The following SLC7A10 variants were observed in gnomAD, a reference collection of about 807,000 sequenced individuals.
SLC7A10 encodes asc-type amino acid transporter 1.
Under a neutral mutation model 52.7 loss-of-function variants are expected in SLC7A10, and 30 were observed. That is an observed-to-expected ratio of 0.57 (90% CI 0.43 to 0.77). The LOEUF (loss-of-function observed/expected upper bound fraction) is 0.77, where lower values mean the gene tolerates loss of function less well. SLC7A10 is among the 30% of genes least tolerant of loss of function. The pLI is 0.00. For missense variants in SLC7A10, 581 were observed against 698.5 expected, an observed-to-expected ratio of 0.83 and a Z score of 1.90; for synonymous variants, 318 against 314.9, an observed-to-expected ratio of 1.01 and a Z score of -0.10.
chr19:33,224,480 G>A (rs1180970113), intron 1 of SLC7A10, among the ~76,000 whole-genome samples: 3 of 152,148 alleles, frequency 2.0e-5, no homozygotes, highest in Admixed American at 6.5e-5. Context: ...GGGAGAGGAC[G>A]AGGTGAAGAC....
rs1417479380 is a variant in SLC7A10 at position 33,210,467 on chromosome 19, C to T, written c.1263G>A (p.Lys421=). 2 of 1,589,528 alleles carry T rather than the reference C, an allele frequency of 1.3e-6. No homozygotes were observed. The highest frequency in any genetic ancestry group is 2.7e-5 in the African/African-American group (2 of 74,670). ...WRRPALHRPI[K]VNLLIPVAYL... is the part of the protein sequence containing the mutation. ...AGGGCCAGCTGTCCCAGGGCCTCAC[C>T]TTGATGGGCCTGTGGAGTGCAGGCC... Residue 421 remains lysine (K), a splice_region_variant and synonymous_variant, in exon 9 of 11, where the codon AAG becomes AAA. Coordinates refer to ENST00000253188, the MANE Select transcript of SLC7A10 (RefSeq NM_019849.3). This position sits in a 1 kb window ranked among gnomAD's most constrained non-coding sequence, Gnocchi z 5.6.
rs1158499382 is a variant in SLC7A10 at position 33,215,876 on chromosome 19, C to T, written c.249G>A (p.Gly83=). The change falls in exon 2 of 11, where the codon GGG becomes GGA. Residue 83 remains glycine, a synonymous_variant. Coordinates refer to ENST00000253188, the MANE Select transcript of SLC7A10 (RefSeq NM_019849.3). ...AGAGGGAGCCCAGAGCCGTCACGCC[C>T]CCACCCAGGACCCAGACGAACAGGG... ...GLALFVWVLG[G]GVTALGSLCY... is the part of the protein sequence containing the mutation. 6 of 1,609,554 alleles carry T rather than the reference C, an allele frequency of 3.7e-6. No individual in the cohort carries two copies. Among genetic ancestry groups the T allele is most frequent in the African/African-American group, 1.3e-5 (1 of 74,952 alleles).
chr19:33,212,943 G>A lies in SLC7A10; in HGVS notation c.416C>T (p.Ser139Phe). The stretch of plus-strand genomic sequence containing the variant: ...CAGCACGTAGTTGGAGAAGGTCATG[G>A]AGATGACAGCAAGGCTGGTGGGGTA... ...IMYPTSLAVI[S>F]MTFSNYVLQP... The change falls in exon 3 of 11, where the codon TCC (serine) becomes TTC (phenylalanine). Residue 139 changes from serine to phenylalanine, a missense_variant. Ser to Phe is a radical substitution (Grantham distance 155, BLOSUM62 -2). Transcript: ENST00000253188. The A allele has an allele frequency of 6.2e-7, 1 of 1,614,186 alleles. No homozygotes were observed. The highest frequency in any genetic ancestry group is 8.5e-7 in the Non-Finnish European group (1 of 1,180,018).
intron 1 of SLC7A10, chr19:33,220,403 C>T (rs1199795487): frequency 1.3e-5 from 2 of 152,148 alleles, no homozygotes; most frequent in Admixed American, 1.3e-4. Flanking sequence ...GAGCCCTAGG[C>T]CACGTTATTG....
intron 1 of SLC7A10, among the ~76,000 whole-genome samples, chr19:33,217,450 G>C (rs982816613): frequency 6.6e-6 from 1 of 152,150 alleles, no homozygotes; most frequent in African/African-American, 2.4e-5. Flanking sequence ...GGGTTATATG[G>C]GTCTCACCAT....
chr19:33,217,091 G>A (rs1393813542), intron 1 of SLC7A10, among the ~76,000 whole-genome samples: 1 of 151,382 alleles, frequency 6.6e-6, no homozygotes, highest in African/African-American at 2.4e-5. Context: ...TGCCTAGGCT[G>A]GTCTCCAACT....
intron 1 of SLC7A10, among the ~76,000 whole-genome samples, chr19:33,219,399 G>A (rs1037197453): frequency 4.6e-5 from 7 of 152,368 alleles, no homozygotes; most frequent in Middle Eastern, 6.8e-3. Flanking sequence ...GAGGTCACAG[G>A]GGCGGCCCAC....
chr19:33,214,247 C>G (rs1974621165), intron 2 of SLC7A10, among the ~76,000 whole-genome samples: 2 of 152,170 alleles, frequency 1.3e-5, no homozygotes, highest in Non-Finnish European at 2.9e-5. Context: ...CAAGCCCTGG[C>G]ACGTCTCCCC....
chr19:33,222,435 TAAA>T (rs1568396355), intron 1 of SLC7A10, among the ~76,000 whole-genome samples: 18 of 126,538 alleles, frequency 1.4e-4, no homozygotes, highest in African/African-American at 5.4e-4. Context: ...TAAAATAAAA[TAAA>T]ATAAAATAAA....
chr19:33,209,159 T>C, intron 10 of SLC7A10, 138 bp from the exon 11 acceptor site: 4 of 1,530,934 alleles, frequency 2.6e-6, no homozygotes, highest in Non-Finnish European at 3.6e-6. Flanking sequence ...TTTGGGTACA[T>C]CTTGGGAAGA....
intron 2 of SLC7A10, 143 bp downstream of exon 2, chr19:33,215,624 CCA>C: frequency 1.8e-6 from 1 of 559,624 alleles, no homozygotes; most frequent in Admixed American, 3.5e-5. Flanking sequence ...CACCTTCTCT[CCA>C]TCCACCCCCC....
rs1470653365 is a variant in SLC7A10 at position 33,210,014 on chromosome 19, C to T, written c.1263+453G>A. On this transcript the variant is annotated intron_variant, in intron 9 of 10. Coordinates refer to ENST00000253188, the MANE Select transcript of SLC7A10 (RefSeq NM_019849.3). This position sits in a 1 kb window ranked among gnomAD's most constrained non-coding sequence, Gnocchi z 5.6. ...GGAGTACGGTGGCCCTAGCACCGCT[C>T]ACTGCAGCCTCAACCTCCCGGGCTC... 6.6e-6 allele frequency among the ~76,000 whole-genome samples: 1 copy of T among 151,406 alleles called. No individual in the cohort carries two copies. The highest frequency in any genetic ancestry group is 1.5e-5 in the Non-Finnish European group (1 of 67,918).
rs778149301 is a variant in SLC7A10 at position 33,212,641 on chromosome 19, T to A, written c.509-2A>T. 1.2e-5 allele frequency: 19 copies of A among 1,613,524 alleles called. No homozygotes were observed. The highest frequency in any genetic ancestry group is 1.4e-5 in the Non-Finnish European group (17 of 1,180,032). ...AGCTGTTCACCCATGTCAGGAGCACTGCGGAGGGAAGGCGGGGGTGGGCGC... is the reference window on the plus strand; with the variant it reads ...AGCTGTTCACCCATGTCAGGAGCACAGCGGAGGGAAGGCGGGGGTGGGCGC... On this transcript the variant is annotated splice_acceptor_variant, in intron 3 of 10. Coordinates refer to ENST00000253188, the MANE Select transcript of SLC7A10 (RefSeq NM_019849.3). LOFTEE classifies it high-confidence loss of function.
intron 1 of SLC7A10, 67 bp from the exon 2 acceptor site, chr19:33,216,040 G>A (rs1019577872): frequency 1.9e-5 from 27 of 1,385,308 alleles, no homozygotes; most frequent in African/African-American, 2.9e-5. Flanking sequence ...TTCTGTGTGG[G>A]GATCTGCCTG....
At chr19:33,209,247 G>T in intron 10 of SLC7A10, 61 bp downstream of exon 10, 1 of 1,604,944 alleles carries the variant, frequency 6.2e-7, no homozygotes. Flanking sequence ...CCTCTAAGAG[G>T]GAGGTCTGGT....
intron 1 of SLC7A10, chr19:33,217,692 G>T (rs1270088588): frequency 6.6e-6 from 1 of 152,236 alleles, no homozygotes; most frequent in Non-Finnish European, 1.5e-5. Context: ...GGCCCGCAGG[G>T]GGCTGGATAA....
Position 33,211,540 on chromosome 19 carries a change from G to A in SLC7A10, c.789-3C>T. On this transcript the variant is annotated splice_polypyrimidine_tract_variant and splice_region_variant and intron_variant, in intron 5 of 10. Coordinates refer to ENST00000253188, the MANE Select transcript of SLC7A10 (RefSeq NM_019849.3). Reference sequence around the variant, plus strand: ...TGAAGATGGCGCGAGGTAGGTTCCTGGTGACAGGCAGTGGAGTGCGTCAGC... The same window carrying A: ...TGAAGATGGCGCGAGGTAGGTTCCTAGTGACAGGCAGTGGAGTGCGTCAGC... The A allele has an allele frequency of 6.2e-7, 1 of 1,614,092 alleles. No homozygotes were observed. Among genetic ancestry groups the A allele is most frequent in the Non-Finnish European group, 8.5e-7 (1 of 1,180,034 alleles).
At chr19:33,215,267 CA>C (rs56214783) in intron 2 of SLC7A10, among the ~76,000 whole-genome samples, 4,068 of 115,510 alleles carry the variant, frequency 0.035, 142 homozygotes, top group African/African-American at 0.13. Flanking sequence ...GACTCTGTCT[CA>C]AAAAAAAAAA....
intron 1 of SLC7A10, among the ~76,000 whole-genome samples, chr19:33,223,482 G>A (rs1346814450): frequency 6.6e-6 from 1 of 152,038 alleles, no homozygotes; most frequent in African/African-American, 2.4e-5. Context: ...GAAAGGTGGG[G>A]TGGGCTGGGG....
Sources: allele counts gnomAD v4.1 joint callset (sites outside exome capture counted in the v4.1 genomes callset), GRCh38; gene constraint gnomAD v4.1.1; non-coding constraint Gnocchi (gnomAD v3.1); transcripts MANE v1.5; gene names NCBI Gene and HGNC (gene_info 2026-07-23, HGNC 2026-07-21).